Variants in LTBP2 observed in about 807,000 individuals in gnomAD.
LTBP2 encodes the protein latent-transforming growth factor beta-binding protein 2.
In LTBP2, 103 loss-of-function variants were observed where a neutral mutation model predicts 210.6. The ratio of observed to expected loss-of-function variants is 0.49; its 90% CI spans 0.42 to 0.58. The LOEUF (loss-of-function observed/expected upper bound fraction) is 0.58. Among genes scored for constraint, LTBP2 ranks in the 20% least tolerant of loss-of-function variants. The pLI, the probability that LTBP2 is intolerant of heterozygous loss-of-function variation, is 0.00. For synonymous variants in LTBP2, 1,007 were observed against 1,015.0 expected, an observed-to-expected ratio of 0.99 and a Z score of 0.15; for missense variants, 2,313 against 2,494.5, an observed-to-expected ratio of 0.93 and a Z score of 1.55.
At position 74,499,710 on chromosome 14, in the gene LTBP2, A is replaced by C. The variant is rs1203151767; in HGVS notation, c.*1174T>G. The C allele has an allele frequency of 4.4e-6, 1 of 225,752 alleles. No homozygotes were observed. The highest frequency in any genetic ancestry group is 2.2e-5 in the African/African-American group (1 of 44,924). The allele number at this position is 225,752 out of a possible 1,614,324, so 14.0% of individuals were successfully genotyped here. ...TCTCTAATATTTAGACTTAGCCAAC[A>C]TGGTAAAGAAATTTAATCTGATATG... On this transcript the variant is annotated 3_prime_UTR_variant, in exon 36 of 36. Coordinates refer to ENST00000261978, the MANE Select transcript of LTBP2 (RefSeq NM_000428.3).
At chr14:74,514,102 T>C (rs967525845) in intron 18 of LTBP2, among the ~76,000 whole-genome samples, 3 of 152,208 alleles carry the variant, frequency 2.0e-5, no homozygotes, top group African/African-American at 7.2e-5. Context: ...GCAGATTCTA[T>C]TACCAGCTAC....
chr14:74,577,194 C>T (rs1217728272), intron 3 of LTBP2, among the ~76,000 whole-genome samples: 1 of 151,974 alleles, frequency 6.6e-6, no homozygotes, highest in East Asian at 1.9e-4. Flanking sequence ...GAAAAAAAGG[C>T]TAAAAAAAGA....
At chr14:74,587,183 G>A (rs147611027) in intron 2 of LTBP2, among the ~76,000 whole-genome samples, 36 of 152,184 alleles carry the variant, frequency 2.4e-4, no homozygotes, top group African/African-American at 7.9e-4. Context: ...TGTGAGCCCC[G>A]GAAGCATGGT....
chr14:74,564,591 G>T (rs1183737433), intron 3 of LTBP2, among the ~76,000 whole-genome samples: 1 of 150,018 alleles, frequency 6.7e-6, no homozygotes, highest in Non-Finnish European at 1.5e-5. Flanking sequence ...CACCATATTG[G>T]CCAGGCTGGT....
At chr14:74,543,304 G>A (rs1226003494) in intron 8 of LTBP2, among the ~76,000 whole-genome samples, 2 of 150,856 alleles carry the variant, frequency 1.3e-5, no homozygotes, top group African/African-American at 4.9e-5. Flanking sequence ...CATGAACCCA[G>A]GAGGCAGAGC....
At position 74,500,655 on chromosome 14, in the gene LTBP2, G is replaced by A. The variant is rs141989493; in HGVS notation, c.*229C>T. Reference sequence around the variant, plus strand: ...AAGGTGGTGGACAGGGCCTCATGCGGTGGCTGAAGCATTAAAGCGATTGGT... The same window carrying A: ...AAGGTGGTGGACAGGGCCTCATGCGATGGCTGAAGCATTAAAGCGATTGGT... On this transcript the variant is annotated 3_prime_UTR_variant, in exon 36 of 36. Coordinates refer to ENST00000261978, the MANE Select transcript of LTBP2 (RefSeq NM_000428.3). 4.1e-4 allele frequency: 252 copies of A among 610,916 alleles called. No individual in the cohort carries two copies. Among genetic ancestry groups the A allele is most frequent in the Middle Eastern group, 1.3e-3 (3 of 2,270 alleles). The allele number at this position is 610,916 out of a possible 1,614,324, so 37.8% of individuals were successfully genotyped here. A position where few individuals can be genotyped will look rare whatever the true frequency, so the allele number is the denominator to read the frequency against.
intron 1 of LTBP2, among the ~76,000 whole-genome samples, chr14:74,605,661 C>T (rs924055780): frequency 2.6e-5 from 4 of 152,304 alleles, no homozygotes; most frequent in African/African-American, 7.2e-5. Flanking sequence ...CCAGACAGCA[C>T]GGACGCAGGA....
intron 3 of LTBP2, among the ~76,000 whole-genome samples, chr14:74,583,499 T>C (rs1348113810): frequency 6.6e-6 from 1 of 152,242 alleles, no homozygotes; most frequent in African/African-American, 2.4e-5. Context: ...TAGGCTGGCC[T>C]GGAGGCTGCA....
rs558827596 is a variant in LTBP2 at position 74,527,479 on chromosome 14, G to A, written c.2369-113C>T. ...GCGCCCCAGACCACATCCCCAGCAGGGCCAGCAGCACAGAAAGCGTGGACT... is the reference window on the plus strand; with the variant it reads ...GCGCCCCAGACCACATCCCCAGCAGAGCCAGCAGCACAGAAAGCGTGGACT... On this transcript the variant is annotated intron_variant, in intron 12 of 35. Transcript: ENST00000261978. 1.6e-5 allele frequency: 18 copies of A among 1,152,120 alleles called. 1 individual carries two copies. The East Asian group carries it at 4.1e-4, about 26-fold the overall frequency. The allele number at this position is 1,152,120 out of a possible 1,614,324, so 71.4% of individuals were successfully genotyped here. A position where few individuals can be genotyped will look rare whatever the true frequency, so the allele number is the denominator to read the frequency against.
At chr14:74,554,493 TG>T (rs1289945830) in intron 4 of LTBP2, among the ~76,000 whole-genome samples, 1 of 152,170 alleles carries the variant, frequency 6.6e-6, no homozygotes, top group Non-Finnish European at 1.5e-5. Flanking sequence ...AGCAAGACTC[TG>T]TCTCTTAAAA....
At chr14:74,502,415 G>A in intron 34 of LTBP2, 1 of 635,320 alleles carries the variant, frequency 1.6e-6, no homozygotes, top group East Asian at 2.8e-5. Flanking sequence ...TGTAGGTTGG[G>A]ACAGGGGCAG....
At chr14:74,526,965 C>T (rs2139716544) in intron 13 of LTBP2, among the ~76,000 whole-genome samples, 1 of 152,288 alleles carries the variant, frequency 6.6e-6, no homozygotes, top group African/African-American at 2.4e-5. Flanking sequence ...TTCAACTAAA[C>T]CAGCGCAGAA....
At chr14:74,556,557 C>A (rs576231343) in intron 3 of LTBP2, among the ~76,000 whole-genome samples, 1 of 152,326 alleles carries the variant, frequency 6.6e-6, no homozygotes, top group Non-Finnish European at 1.5e-5. Flanking sequence ...GCTCTCGTTG[C>A]CCAAGCTGGA....
intron 26 of LTBP2, 121 bp from the exon 27 acceptor site, chr14:74,506,944 C>T (rs750921654): frequency 1.7e-5 from 27 of 1,550,100 alleles, no homozygotes; most frequent in Non-Finnish European, 2.2e-5. Context: ...GCTGAGAATA[C>T]TTATTTGGCT....
chr14:74,551,522 T>G (rs978175754), intron 6 of LTBP2, among the ~76,000 whole-genome samples, 172 bp from the exon 7 acceptor site: 1 of 152,218 alleles, frequency 6.6e-6, no homozygotes, highest in African/African-American at 2.4e-5. Context: ...TGATCCCTTG[T>G]GGGGACGGGA....
intron 4 of LTBP2, among the ~76,000 whole-genome samples, chr14:74,554,086 G>A (rs2087697824): frequency 6.6e-6 from 1 of 151,990 alleles, no homozygotes; most frequent in Non-Finnish European, 1.5e-5. Flanking sequence ...AATGACAAAG[G>A]GTGCCAGAAC....
intron 18 of LTBP2, among the ~76,000 whole-genome samples, chr14:74,515,616 CT>C (rs1275598150): frequency 6.6e-6 from 1 of 152,134 alleles, no homozygotes; most frequent in Non-Finnish European, 1.5e-5. Context: ...CATTTTACTT[CT>C]CTTTTTGATA....
intron 21 of LTBP2, 62 bp from the exon 22 acceptor site, chr14:74,509,425 G>A: frequency 1.9e-6 from 3 of 1,608,544 alleles, no homozygotes; most frequent in Non-Finnish European, 2.5e-6. Context: ...GGCAATGCAG[G>A]AACCTCACCG....
intron 3 of LTBP2, among the ~76,000 whole-genome samples, chr14:74,564,044 T>C (rs1390141074): frequency 6.2e-5 from 4 of 64,046 alleles, no homozygotes; most frequent in African/African-American, 2.5e-4. Flanking sequence ...TTTATATATA[T>C]ATATTTATAT....
Sources: allele counts gnomAD v4.1 joint callset (sites outside exome capture counted in the v4.1 genomes callset), GRCh38; gene constraint gnomAD v4.1.1; transcripts MANE v1.5; gene names NCBI Gene and HGNC (gene_info 2026-07-23, HGNC 2026-07-21).